The following ARHGAP10 variants were observed in gnomAD, a reference collection of about 807,000 sequenced individuals.
ARHGAP10 encodes the protein rho GTPase-activating protein 10.
ARHGAP10 carries 87 observed loss-of-function variants against 108.6 expected under a neutral mutation model. The ratio of observed to expected loss-of-function variants is 0.80; its 90% confidence interval spans 0.67 to 0.96. ARHGAP10 has a LOEUF of 0.96. Ranked by LOEUF, ARHGAP10 falls within the 40% of genes least tolerant of loss-of-function variation. ARHGAP10 has a pLI of 0.00. For synonymous variants in ARHGAP10, 347 were observed against 341.1 expected, an observed-to-expected ratio of 1.02 and a Z score of -0.19; for missense variants, 939 against 954.5, an observed-to-expected ratio of 0.98 and a Z score of 0.21.
rs533287373 is a variant in ARHGAP10, at chr4:148,011,547, T to C, written c.1717-11716T>C. The stretch of plus-strand genomic sequence containing the variant: ...GTGTTCCAGCAAACAAGCTAGAGAC[T>C]GTAGGGCCTTTCATGATTGAGCATC... On this transcript the variant is annotated intron_variant, in intron 18 of 22. Coordinates refer to ENST00000336498, the MANE Select transcript of ARHGAP10 (RefSeq NM_024605.4). Among the ~76,000 whole-genome samples the C allele has an allele frequency of 4.6e-5, 7 of 152,332 alleles. No individual in the cohort carries two copies. In the South Asian group the frequency reaches 1.5e-3, roughly 32 times the overall value.
chr4:148,027,745 A>G (rs1425917143), intron 19 of ARHGAP10, among the ~76,000 whole-genome samples: 4 of 152,216 alleles, frequency 2.6e-5, no homozygotes, highest in Non-Finnish European at 5.9e-5. Flanking sequence ...TGCTGATGAT[A>G]TAAATTAGCC....
chr4:148,007,963 T>A (rs1374831579), intron 18 of ARHGAP10, among the ~76,000 whole-genome samples: 1 of 152,218 alleles, frequency 6.6e-6, no homozygotes, highest in Non-Finnish European at 1.5e-5. Flanking sequence ...TGCCCTAGCA[T>A]GTCCCAGTCA....
chr4:147,951,909 C>G (rs1051999992), intron 15 of ARHGAP10, among the ~76,000 whole-genome samples: 1 of 152,178 alleles, frequency 6.6e-6, no homozygotes, highest in African/African-American at 2.4e-5. Flanking sequence ...TTATTACCCC[C>G]CAAAGTTTCC....
At chr4:147,934,906 G>A (rs187005) in intron 13 of ARHGAP10, among the ~76,000 whole-genome samples, 138,842 of 152,282 alleles carry the variant, frequency 0.91, 63,735 homozygotes, top group East Asian at 0.97. Context: ...TTAGAAGAAG[G>A]GAGTATCACT....
intron 1 of ARHGAP10, among the ~76,000 whole-genome samples, chr4:147,788,586 G>A (rs979597899): frequency 2.0e-5 from 3 of 152,162 alleles, no homozygotes; most frequent in Admixed American, 6.5e-5. Context: ...GCTGGGAAGG[G>A]CAGGTTCCTC....
intron 1 of ARHGAP10, among the ~76,000 whole-genome samples, chr4:147,773,194 A>G (rs1196591855): frequency 6.6e-6 from 1 of 152,234 alleles, no homozygotes; most frequent in African/African-American, 2.4e-5. Flanking sequence ...CCTTCTAAAC[A>G]TGCTGACTTC....
intron 4 of ARHGAP10, among the ~76,000 whole-genome samples, chr4:147,854,999 G>A (rs187994052): frequency 1.3e-4 from 20 of 152,246 alleles, no homozygotes; most frequent in Admixed American, 2.0e-4. Flanking sequence ...TGATTAAAGC[G>A]TCACCCCTTC....
chr4:147,775,622 A>C (rs993428441), intron 1 of ARHGAP10, among the ~76,000 whole-genome samples: 7 of 152,156 alleles, frequency 4.6e-5, no homozygotes, highest in Admixed American at 2.6e-4. Context: ...GGGTATATGG[A>C]AAGATCACAG....
intron 13 of ARHGAP10, among the ~76,000 whole-genome samples, chr4:147,918,913 A>T (rs923225783): frequency 1.6e-4 from 25 of 152,194 alleles, no homozygotes; most frequent in African/African-American, 5.8e-4. Context: ...CTATTCAATT[A>T]TTGGGACCTT....
chr4:147,804,857 A>C (rs1404287026), intron 1 of ARHGAP10, among the ~76,000 whole-genome samples: 1 of 152,126 alleles, frequency 6.6e-6, no homozygotes, highest in Non-Finnish European at 1.5e-5. Flanking sequence ...AGCTCCTTAT[A>C]GGTTCTGGAT....
At chr4:147,745,693 G>A (rs1238226975) in intron 1 of ARHGAP10, among the ~76,000 whole-genome samples, 4 of 151,652 alleles carry the variant, frequency 2.6e-5, no homozygotes, top group Admixed American at 2.0e-4. Context: ...GGGTTTCACC[G>A]TGTTAGCCAG....
At chr4:147,919,700 TC>T (rs1578689399) in intron 13 of ARHGAP10, among the ~76,000 whole-genome samples, 1 of 152,204 alleles carries the variant, frequency 6.6e-6, no homozygotes, top group East Asian at 1.9e-4. Flanking sequence ...TACCTCAGCC[TC>T]CTGAGTAGCT....
At chr4:148,064,978 T>G (rs1578843881) in intron 22 of ARHGAP10, among the ~76,000 whole-genome samples, 1 of 152,256 alleles carries the variant, frequency 6.6e-6, no homozygotes, top group Non-Finnish European at 1.5e-5. Context: ...TTTTGCTGAT[T>G]TGAACAGTGT....
At chr4:147,750,822 C>CCA (rs1729110968) in intron 1 of ARHGAP10, among the ~76,000 whole-genome samples, 1 of 151,862 alleles carries the variant, frequency 6.6e-6, no homozygotes, top group Admixed American at 6.6e-5. Context: ...AGGCTGGCAT[C>CCA]AAACTCCTGA....
rs776184630 is a variant in ARHGAP10 at position 147,832,646 on chromosome 4, C to CAAAA, written c.312+9704_312+9707dup. Among the ~76,000 whole-genome samples the CAAAA allele has an allele frequency of 5.0e-4, 32 of 63,538 alleles. 1 individual carries two copies. The highest frequency in any genetic ancestry group is 1.8e-3 in the East Asian group (3 of 1,668). 41.7% of individuals were successfully genotyped at this position (63,538 alleles called of 152,430 possible). A position where few individuals can be genotyped will look rare whatever the true frequency, so the allele number is the denominator to read the frequency against. ...TGGGTAACAGAGCAAGACTCTGTCT[C>CAAAA]AAAAAAAAAAAAAAAAAAGGAAATT... On this transcript the variant is annotated intron_variant, in intron 3 of 22. Transcript: ENST00000336498.
chr4:147,865,177 C>T (rs1734503658), intron 6 of ARHGAP10: 1 of 413,630 alleles, frequency 2.4e-6, no homozygotes, highest in Non-Finnish European at 4.3e-6. Flanking sequence ...CGTAATATTC[C>T]CATTGCTACA....
At chr4:148,042,027 C>T (rs1387911793) in intron 19 of ARHGAP10, among the ~76,000 whole-genome samples, 1 of 152,198 alleles carries the variant, frequency 6.6e-6, no homozygotes, top group Non-Finnish European at 1.5e-5. Context: ...CTTCTGAGCT[C>T]TAGGGTTGTA....
chr4:147,867,894 G>T (rs1734633643), intron 7 of ARHGAP10, among the ~76,000 whole-genome samples: 1 of 142,644 alleles, frequency 7.0e-6, no homozygotes. Flanking sequence ...AAAGTTGAGA[G>T]TGAATACCTT....
At chr4:147,744,147 A>G (rs1226227004) in intron 1 of ARHGAP10, among the ~76,000 whole-genome samples, 1 of 152,264 alleles carries the variant, frequency 6.6e-6, no homozygotes, top group Non-Finnish European at 1.5e-5. Flanking sequence ...CGATGACTGT[A>G]GTTAACAGGA....
Sources: gnomAD v4.1 joint callset for allele counts (sites outside exome capture counted in the v4.1 genomes callset) on GRCh38, gnomAD v4.1.1 for gene constraint, MANE v1.5 for transcripts, NCBI Gene and HGNC (gene_info 2026-07-23, HGNC 2026-07-21) for gene names.